LTA4H: variants seen among roughly 807,000 people sequenced by gnomAD.
The protein encoded by LTA4H is leukotriene A4 hydrolase.
A neutral mutation model predicts 89.8 loss-of-function variants in LTA4H; 59 were observed. That is an observed-to-expected ratio of 0.66 (90% CI 0.53 to 0.82). The LOEUF is 0.82. Ranked by LOEUF, LTA4H falls within the 40% of genes least tolerant of loss-of-function variation. The pLI, the probability that LTA4H is intolerant of heterozygous loss-of-function variation, is 0.00. For synonymous variants in LTA4H, 227 were observed against 253.1 expected (o/e 0.90, Z 0.98); for missense variants, 617 against 727.0 (o/e 0.85, Z 1.74).
In LTA4H at chr12:96,030,258, A is replaced by T. The variant is rs547542749; in HGVS notation, c.160-1073T>A. ...CCTTTATTCCAATTCAAAAATATGG[A>T]TATGTCCCAATGTTCCAGCCCCGGT... On this transcript the variant is annotated intron_variant, in intron 1 of 18. Transcript: ENST00000228740. 3.3e-4 allele frequency among the ~76,000 whole-genome samples: 50 copies of T among 152,116 alleles called. 1 individual carries two copies. Among genetic ancestry groups the T allele is most frequent in the African/African-American group, 1.0e-3 (43 of 41,490 alleles).
intron 14 of LTA4H, chr12:96,012,825 C>G: frequency 5.5e-6 from 1 of 183,282 alleles, no homozygotes; most frequent in South Asian, 1.3e-4. Flanking sequence ...CTTTACCTAG[C>G]TAAACCTAAC....
At chr12:96,025,869 C>T (rs1950508356) in intron 3 of LTA4H, among the ~76,000 whole-genome samples, 1 of 151,832 alleles carries the variant, frequency 6.6e-6, no homozygotes, top group South Asian at 2.1e-4. Context: ...TATACCCGGT[C>T]TGTTTACAAA....
At chr12:96,042,139 C>T (rs778294428) in intron 1 of LTA4H, among the ~76,000 whole-genome samples, 25 of 151,866 alleles carry the variant, frequency 1.6e-4, no homozygotes, top group African/African-American at 4.4e-4. Context: ...CAAGCCACTA[C>T]GCCGAGCTAA....
At position 96,006,357 on chromosome 12, in the gene LTA4H, G is replaced by T. The variant is rs762586849; in HGVS notation, c.1487C>A (p.Ser496Tyr). 1 of 1,612,114 alleles carries T rather than the reference G, an allele frequency of 6.2e-7. No individual in the cohort carries two copies. The highest frequency in any genetic ancestry group is 1.1e-5 in the South Asian group (1 of 90,926). ...TAAAAACTCATTCAATTGATGAGAA[G>T]AGAGATCCTTCAGGTCTGTGGCATT... is the stretch of plus-strand genomic sequence containing the variant. ...SFNATDLKDL[S>Y]SHQLNEFLAQ... is the part of the protein sequence containing the mutation. Residue 496 changes from serine to tyrosine, a missense_variant, in exon 16 of 19, where the codon TCT becomes TAT. Physicochemically the swap from Ser to Tyr is moderately radical, Grantham distance 144 (BLOSUM62 -2). Transcript: ENST00000228740.
At chr12:96,036,076 G>GT (rs1316280658), upstream of LTA4H, among the ~76,000 whole-genome samples, 1 of 152,114 alleles carries the variant, frequency 6.6e-6, no homozygotes, top group Non-Finnish European at 1.5e-5. Flanking sequence ...ACCGGGGTTC[G>GT]ATTCCCCGAC....
intron 10 of LTA4H, 86 bp from the exon 11 acceptor site, chr12:96,015,780 T>G: frequency 1.1e-6 from 1 of 935,512 alleles, no homozygotes; most frequent in Admixed American, 2.0e-5. Flanking sequence ...TTGGCTTTTC[T>G]ACAGAGGAAA....
chr12:96,019,870 G>T (rs904190558), intron 6 of LTA4H, among the ~76,000 whole-genome samples: 1 of 150,174 alleles, frequency 6.7e-6, no homozygotes, highest in Non-Finnish European at 1.5e-5. Context: ...AAATTGCTGG[G>T]ATTACAGGCG....
At chr12:96,023,456 T>A (rs977852920) in intron 4 of LTA4H, among the ~76,000 whole-genome samples, 4 of 152,028 alleles carry the variant, frequency 2.6e-5, no homozygotes, top group Non-Finnish European at 4.4e-5. Flanking sequence ...GTTCAAGTGA[T>A]CTTCCCACCT....
intron 4 of LTA4H, 148 bp downstream of exon 4, chr12:96,024,331 A>T: frequency 1.9e-6 from 1 of 513,538 alleles, no homozygotes; most frequent in Non-Finnish European, 3.5e-6. Flanking sequence ...AATGAGTGCC[A>T]CAGCCTCTTT....
chr12:96,023,052 T>C (rs914939723), intron 4 of LTA4H, among the ~76,000 whole-genome samples: 1 of 152,232 alleles, frequency 6.6e-6, no homozygotes, highest in Non-Finnish European at 1.5e-5. Context: ...TAACTGTGTA[T>C]CCTAGCTCCA....
chr12:96,006,709 A>C (rs1950209094), intron 15 of LTA4H, among the ~76,000 whole-genome samples: 1 of 152,194 alleles, frequency 6.6e-6, no homozygotes, highest in African/African-American at 2.4e-5. Context: ...CAAAGCAAAG[A>C]AACATTTCAA....
upstream of LTA4H, among the ~76,000 whole-genome samples, chr12:96,036,071 G>C (rs1047501382): frequency 2.0e-5 from 3 of 152,100 alleles, no homozygotes; most frequent in Non-Finnish European, 2.9e-5. Context: ...GGGAGACCGG[G>C]GTTCGATTCC....
chr12:96,034,289 A>C (rs1372653241), intron 1 of LTA4H, among the ~76,000 whole-genome samples: 2 of 152,220 alleles, frequency 1.3e-5, no homozygotes, highest in Non-Finnish European at 2.9e-5. Flanking sequence ...TCTTATTTTT[A>C]AAATGATCTT....
chr12:96,035,499 G>C lies in LTA4H; in HGVS notation c.21C>G (p.Thr7=), dbSNP rs756004935. MPEIVD[T]CSLASPASVC... Reference sequence around the variant, plus strand: ...CGGAAGCCGGAGAGGCCAACGAACAGGTATCCACTATCTCGGGCATGGCTC... The same window carrying C: ...CGGAAGCCGGAGAGGCCAACGAACACGTATCCACTATCTCGGGCATGGCTC... The change falls in exon 1 of 19, where the codon ACC becomes ACG. Residue 7 remains threonine (T), a synonymous_variant. Coordinates refer to ENST00000228740, the MANE Select transcript of LTA4H (RefSeq NM_000895.3). The C allele has an allele frequency of 1.3e-5, 21 of 1,607,658 alleles. No homozygotes were observed. The highest frequency in any genetic ancestry group is 1.7e-5 in the Non-Finnish European group (20 of 1,177,148).
intron 5 of LTA4H, 109 bp from the exon 6 acceptor site, chr12:96,021,246 T>G: frequency 2.7e-6 from 2 of 741,478 alleles, no homozygotes; most frequent in Non-Finnish European, 4.2e-6. Flanking sequence ...TCAAATCTCC[T>G]AATATTAGTA....
At chr12:96,042,091 C>T (rs1204981210) in intron 1 of LTA4H, among the ~76,000 whole-genome samples, 3 of 150,392 alleles carry the variant, frequency 2.0e-5, no homozygotes, top group Non-Finnish European at 4.4e-5. Context: ...GCAAGTGATC[C>T]TCCACCTGAG....
rs903959876 is a variant in LTA4H, at chr12:96,017,414, C to T, written c.876+143G>A. On this transcript the variant is annotated intron_variant, in intron 9 of 18. Coordinates refer to ENST00000228740, the MANE Select transcript of LTA4H (RefSeq NM_000895.3). ...CCATAAAATTTCCTTAAATCTATTA[C>T]ATCTAATTGTTAATAATGTGAGAAG... The T allele has an allele frequency of 1.5e-5, 10 of 675,316 alleles. No homozygotes were observed. In the East Asian group the frequency reaches 1.7e-4, roughly 11 times the overall value. The allele number at this position is 675,316 out of a possible 1,614,324, so 41.8% of individuals were successfully genotyped here. A position where few individuals can be genotyped will look rare whatever the true frequency, so the allele number is the denominator to read the frequency against.
chr12:96,011,214 A>G (rs1284126820), intron 14 of LTA4H: 2 of 151,794 alleles, frequency 1.3e-5, no homozygotes, highest in African/African-American at 4.8e-5. Flanking sequence ...AGCCTTCTCC[A>G]CTCCTAAACT....
At chr12:96,027,752 C>G (rs910028912) in intron 2 of LTA4H, 188 bp from the exon 3 acceptor site, 1 of 364,940 alleles carries the variant, frequency 2.7e-6, no homozygotes. Context: ...TAATTGCCAG[C>G]CTGTGGGTCC....
Sources: allele counts gnomAD v4.1 joint callset (sites outside exome capture counted in the v4.1 genomes callset), GRCh38; gene constraint gnomAD v4.1.1; transcripts MANE v1.5; gene names NCBI Gene and HGNC (gene_info 2026-07-23, HGNC 2026-07-21).